The following FDXR variants were observed in gnomAD, a reference collection of about 807,000 sequenced individuals.
FDXR encodes the protein ferredoxin reductase, also known as NADPH:adrenodoxin oxidoreductase, mitochondrial.
In FDXR, 38 loss-of-function variants were observed where a neutral mutation model predicts 58.3. That is an observed-to-expected ratio of 0.65 (90% CI 0.50 to 0.85). The LOEUF is 0.85. FDXR is among the 40% of genes least tolerant of loss of function. The pLI, the probability that FDXR is intolerant of heterozygous loss-of-function variation, is 0.00. For synonymous variants in FDXR, 275 were observed against 273.8 expected, an observed-to-expected ratio of 1.00 and a Z score of -0.04; for missense variants, 624 against 671.0, an observed-to-expected ratio of 0.93 and a Z score of 0.77.
intron 2 of FDXR, among the ~76,000 whole-genome samples, chr17:74,869,652 C>A (rs1328451151): frequency 6.6e-6 from 1 of 152,184 alleles, no homozygotes; most frequent in Non-Finnish European, 1.5e-5. Context: ...CATGGACCCC[C>A]TCCCCGCACC....
rs543132586 is a variant in FDXR, at chr17:74,865,857, C to T, written c.508-37G>A. Reference sequence around the variant, plus strand: ...AGGTCTTGATAGGGTCCCCCAGCCTCGCTCCACTCAGTTCATCTCAGTCTG... The same window carrying T: ...AGGTCTTGATAGGGTCCCCCAGCCTTGCTCCACTCAGTTCATCTCAGTCTG... On this transcript the variant is annotated intron_variant, in intron 5 of 11. Transcript: ENST00000293195. 9.4e-6 allele frequency: 14 copies of T among 1,492,956 alleles called. No homozygotes were observed. The South Asian group carries it at 1.2e-4, about 12-fold the overall frequency. 92.5% of individuals were successfully genotyped at this position (1,492,956 alleles called of 1,614,324 possible). A position where few individuals can be genotyped will look rare whatever the true frequency, so the allele number is the denominator to read the frequency against.
chr17:74,866,926 G>C (rs1354407935), intron 2 of FDXR, 50 bp from the exon 3 acceptor site: 1 of 1,588,778 alleles, frequency 6.3e-7, no homozygotes, highest in Non-Finnish European at 8.6e-7. Flanking sequence ...GAGAGGCTGG[G>C]ACGCCCCCAG....
intron 3 of FDXR, 53 bp downstream of exon 3, chr17:74,866,731 C>G: frequency 6.2e-7 from 1 of 1,605,920 alleles, no homozygotes; most frequent in South Asian, 1.1e-5. Context: ...CCCTGCCCTC[C>G]TCATCTTGAC....
chr17:74,865,605 AAC>A, intron 6 of FDXR, 112 bp downstream of exon 6: 1 of 674,048 alleles, frequency 1.5e-6, no homozygotes, highest in South Asian at 1.8e-5. Context: ...ACCACGGGGA[AAC>A]AGAGGCACTG....
At chr17:74,868,160 T>A in intron 2 of FDXR, 2 of 178,914 alleles carry the variant, frequency 1.1e-5, no homozygotes, top group Non-Finnish European at 2.2e-5. Context: ...CTCCTGCCTC[T>A]CTCCATCCCA....
intron 1 of FDXR, 23 bp from the exon 2 acceptor site, chr17:74,872,156 G>C: frequency 3.1e-6 from 5 of 1,602,946 alleles, no homozygotes; most frequent in Non-Finnish European, 3.4e-6. Context: ...AGAGGAGAGG[G>C]AAAAGGTCAA....
chr17:74,866,729 T>C, intron 3 of FDXR, 55 bp downstream of exon 3: 1 of 1,602,970 alleles, frequency 6.2e-7, no homozygotes. Flanking sequence ...CTCCCTGCCC[T>C]CCTCATCTTG....
intron 2 of FDXR, chr17:74,868,855 C>T: frequency 9.9e-7 from 1 of 1,010,548 alleles, no homozygotes; most frequent in Non-Finnish European, 1.4e-6. Context: ...TTTCTACTCT[C>T]TCTCTCCTGC....
At position 74,869,168 on chromosome 17, in the gene FDXR, T is replaced by G. The variant is rs892720735; in HGVS notation, c.178-2292A>C. Among the ~76,000 whole-genome samples, 3 of 152,144 alleles carry G rather than the reference T, an allele frequency of 2.0e-5. No homozygotes were observed. The East Asian group carries it at 5.8e-4, about 29-fold the overall frequency. On this transcript the variant is annotated intron_variant, in intron 2 of 11. Coordinates refer to ENST00000293195, the MANE Select transcript of FDXR (RefSeq NM_024417.5). ...TACGCTGCAGGCAGAGGGGGCATCC[T>G]GAAGGAAAACAGCAGCCCGAAAACT...
At position 74,864,919 on chromosome 17, in the gene FDXR, T is replaced by C; in HGVS notation, c.622A>G (p.Thr208Ala). 1 of 1,614,104 alleles carries C rather than the reference T, an allele frequency of 6.2e-7. No homozygotes were observed. The highest frequency in any genetic ancestry group is 2.2e-5 in the East Asian group (1 of 44,882). ...PPEHLERTDI[T>A]KAALGVLRQS... Reference sequence around the variant, plus strand: ...CTCAGTACACCCAGGGCTGCCTTCGTGATGTCCGTTCTCTGGCACAAAAGG... The same window carrying C: ...CTCAGTACACCCAGGGCTGCCTTCGCGATGTCCGTTCTCTGGCACAAAAGG... Residue 208 changes from threonine (T) to alanine (A), a missense_variant, in exon 7 of 12, where the codon ACG becomes GCG. By Grantham distance (58) the Thr-to-Ala change is moderately conservative (BLOSUM62 0). Transcript: ENST00000293195.
At position 74,872,304 on chromosome 17, in the gene FDXR, G is replaced by C. The variant is rs1567919708; in HGVS notation, c.80-171C>G. On this transcript the variant is annotated intron_variant, in intron 1 of 11. Coordinates refer to ENST00000293195, the MANE Select transcript of FDXR (RefSeq NM_024417.5). The stretch of plus-strand genomic sequence containing the variant: ...ATTTGCAGGGTCTCTTACTTCATCT[G>C]AACCCCCAAAGGCTGTGGGTTCATC... The C allele has an allele frequency of 3.3e-6, 5 of 1,534,660 alleles. No individual in the cohort carries two copies. The South Asian group carries it at 4.8e-5, about 15-fold the overall frequency.
At chr17:74,872,467 G>A in intron 1 of FDXR, 1 of 640,098 alleles carries the variant, frequency 1.6e-6, no homozygotes, top group Non-Finnish European at 2.7e-6. Context: ...GCCCCCGTGG[G>A]TCTCCCCACG....
Position 74,872,963 on chromosome 17 carries a change from G to GC in FDXR, c.-20dup. The GC allele has an allele frequency of 6.5e-7, 1 of 1,548,618 alleles. No homozygotes were observed. Among genetic ancestry groups the GC allele is most frequent in the Non-Finnish European group, 8.7e-7 (1 of 1,146,284 alleles). ...AAGCCATGGCTGGGAGCAGCAACCT[G>GC]CAAGTGGATCTGTTCCTAGCTACTG... is the stretch of plus-strand genomic sequence containing the variant. On this transcript the variant is annotated 5_prime_UTR_variant, in exon 1 of 12. Transcript: ENST00000293195.
chr17:74,863,376 G>A (rs1207552705), intron 10 of FDXR, 130 bp from the exon 11 acceptor site: 1 of 858,890 alleles, frequency 1.2e-6, no homozygotes, highest in East Asian at 2.7e-5. Context: ...TGTCGGCTGA[G>A]CCTGCTGTGG....
chr17:74,862,871 C>T lies in FDXR; in HGVS notation c.1422G>A (p.Lys474=), dbSNP rs764521259. 1.2e-6 allele frequency: 2 copies of T among 1,613,072 alleles called. No individual in the cohort carries two copies. The highest frequency in any genetic ancestry group is 4.5e-5 in the East Asian group (2 of 44,890). Residue 474 remains lysine, a synonymous_variant, in exon 12 of 12, where the codon AAG becomes AAA. Transcript: ENST00000293195. ...GAGGATCCACCAGCTTCTCCCTGGG[C>T]TTCCCCGTGCCCTGGCCCCGGGCCA... ...EEVARGQGTG[K]PREKLVDPQE...
chr17:74,864,598 T>G (rs1598517202), intron 7 of FDXR, 34 bp from the exon 8 acceptor site: 1 of 1,591,382 alleles, frequency 6.3e-7, no homozygotes, highest in Non-Finnish European at 8.6e-7. Flanking sequence ...GGGGAGGAGG[T>G]CAGGCCCAGA....
intron 2 of FDXR, chr17:74,868,294 T>A: frequency 1.7e-6 from 1 of 595,284 alleles, no homozygotes; most frequent in Non-Finnish European, 3.0e-6. Context: ...TAGCACTAGC[T>A]GGCTCTGTGC....
At chr17:74,871,187 C>G (rs1353292432) in intron 2 of FDXR, among the ~76,000 whole-genome samples, 1 of 152,158 alleles carries the variant, frequency 6.6e-6, no homozygotes, top group Non-Finnish European at 1.5e-5. Flanking sequence ...ACCCGTGTTG[C>G]CTGGGAAGCA....
At chr17:74,863,351 C>T (rs111494480) in intron 10 of FDXR, 105 bp from the exon 11 acceptor site, 7 of 1,099,848 alleles carry the variant, frequency 6.4e-6, no homozygotes, top group African/African-American at 3.1e-5. Context: ...AGACACCCCA[C>T]GCCTCTTGGC....
Sources: gnomAD v4.1 joint callset for allele counts (sites outside exome capture counted in the v4.1 genomes callset) on GRCh38, gnomAD v4.1.1 for gene constraint, MANE v1.5 for transcripts, NCBI Gene and HGNC (gene_info 2026-07-23, HGNC 2026-07-21) for gene names.